Variants in APOB observed in about 807,000 individuals in gnomAD.
APOB encodes the protein apolipoprotein B-100.
APOB carries 153 observed loss-of-function variants against 314.1 expected under a neutral mutation model. The observed-to-expected ratio is 0.49, with a 90% CI of 0.43 to 0.56. The LOEUF is 0.56. Ranked by LOEUF, APOB falls within the 20% of genes least tolerant of loss-of-function variation. The pLI is 0.00. For missense variants in APOB, 5,430 were observed against 5,350.7 expected (o/e 1.01, Z -0.46); for synonymous variants, 2,087 against 2,036.4 (o/e 1.02, Z -0.67).
Position 21,022,880 on chromosome 2 carries a change from T to C in APOB, c.2767A>G (p.Lys923Glu). The C allele has an allele frequency of 6.8e-6, 11 of 1,614,168 alleles. No individual in the cohort carries two copies. The highest frequency in any genetic ancestry group is 9.3e-6 in the Non-Finnish European group (11 of 1,180,030). ...CTCTTTGGGGAAGGAATGATAAACT[T>C]CAGCTTCCCAGCTTTTAGGGCAACA... The part of the protein sequence containing the change: ...AHVALKAGKL[K>E]FIIPSPKRPV... Residue 923 changes from lysine to glutamate, a missense_variant, in exon 18 of 29, where the codon AAG becomes GAG. Physicochemically the swap from Lys to Glu is moderately conservative, Grantham distance 56. This residue lies in a region of APOB where 2,085 missense variants were observed against 2,079.7 expected (regional missense o/e 1.00). Coordinates refer to ENST00000233242, the MANE Select transcript of APOB (RefSeq NM_000384.3).
rs1663014025 is a variant in APOB at position 21,002,536 on chromosome 2, G to A, written c.12886C>T (p.Leu4296=). 5 of 1,613,798 alleles carry A rather than the reference G, an allele frequency of 3.1e-6. No homozygotes were observed. The South Asian group carries it at 4.4e-5, about 14-fold the overall frequency. ...AIQSLKTTEV[L]RNLQDLLQFI... is the part of the protein sequence containing the mutation. ...TGTAAAAGGTCCTGAAGATTACGTA[G>A]CACCTCTGTGGTCTTGAGAGACTGA... Residue 4296 remains leucine, a synonymous_variant, in exon 29 of 29, where the codon CTA becomes TTA. Transcript: ENST00000233242.
At chr2:21,032,277 A>C (rs1021561157) in intron 10 of APOB, 77 bp downstream of exon 10, 1 of 1,311,434 alleles carries the variant, frequency 7.6e-7, no homozygotes, top group African/African-American at 1.4e-5. Flanking sequence ...GGAGGGGTTC[A>C]GTTTTAATAC....
At position 21,011,787 on chromosome 2, in the gene APOB, T is replaced by C. The variant is rs765848794; in HGVS notation, c.5081A>G (p.Asn1694Ser). ...TTTCCCATCCAGACTGAATTTTGCATTGTGTTCCCTGAAGCGGCCATTTGT... is the reference window on the plus strand; with the variant it reads ...TTTCCCATCCAGACTGAATTTTGCACTGTGTTCCCTGAAGCGGCCATTTGT... ...LTTNGRFREH[N>S]AKFSLDGKAA... Residue 1694 changes from asparagine (N) to serine (S), a missense_variant, in exon 26 of 29, where the codon AAT becomes AGT. Transcript: ENST00000233242. 8.1e-6 allele frequency: 13 copies of C among 1,614,004 alleles called. No individual in the cohort carries two copies. The highest frequency in any genetic ancestry group is 3.3e-5 in the Admixed American group (2 of 59,992).
At chr2:21,003,818 C>T (rs1327206438) in intron 28 of APOB, among the ~76,000 whole-genome samples, 3 of 152,178 alleles carry the variant, frequency 2.0e-5, no homozygotes, top group African/African-American at 4.8e-5. Flanking sequence ...TTGGTCTTCT[C>T]CTCTGGTAAT....
intron 10 of APOB, among the ~76,000 whole-genome samples, chr2:21,030,596 G>A (rs1663848956): frequency 6.6e-6 from 1 of 152,140 alleles, no homozygotes; most frequent in African/African-American, 2.4e-5. Context: ...ACAAAAAATA[G>A]ACAAATAGAA....
Position 21,001,785 on chromosome 2 carries a change from G to A in APOB, c.13637C>T (p.Thr4546Ile). 6.2e-7 allele frequency: 1 copy of A among 1,614,032 alleles called. No homozygotes were observed. The highest frequency in any genetic ancestry group is 1.6e-4 in the Middle Eastern group (1 of 6,062). The change falls in exon 29 of 29, where the codon ACA becomes ATA. Residue 4546 changes from threonine (T) to isoleucine (I), a missense_variant. Thr to Ile is a moderately conservative substitution (Grantham distance 89). Coordinates refer to ENST00000233242, the MANE Select transcript of APOB (RefSeq NM_000384.3). ...TELLKKLQSTTVMNPYMKLAP... is the reference protein window; with the variant it reads ...TELLKKLQSTIVMNPYMKLAP... ...AAGCTTCATGTAGGGGTTCATGACT[G>A]TGGTTGATTGCAGCTTTTTCAGTAA...
intron 6 of APOB, among the ~76,000 whole-genome samples, chr2:21,036,831 C>A (rs904445763): frequency 1.3e-5 from 2 of 152,118 alleles, no homozygotes; most frequent in African/African-American, 4.8e-5. Context: ...AGATTAGAGG[C>A]AGTTTGGTGC....
chr2:21,004,824 A>G, intron 26 of APOB, 149 bp from the exon 27 acceptor site: 2 of 747,030 alleles, frequency 2.7e-6, no homozygotes, highest in Non-Finnish European at 4.4e-6. Context: ...TTTTAAAATA[A>G]ATAGTTAAAA....
rs12714269 is a variant in APOB, at chr2:21,043,618, G to A, written c.83-67C>T. The A allele has an allele frequency of 1.3e-4, 196 of 1,556,108 alleles. No homozygotes were observed. In the African/African-American group the frequency reaches 2.4e-3, roughly 19 times the overall value. On this transcript the variant is annotated intron_variant, in intron 1 of 28. Transcript: ENST00000233242. ...TCCCAGCGGGTGCTAGGGCCCGACA[G>A]GGGGACCACCGGCACAGGTTTCACC... is the stretch of plus-strand genomic sequence containing the variant.
intron 18 of APOB, among the ~76,000 whole-genome samples, chr2:21,021,867 G>T (rs2103369108): frequency 6.6e-6 from 1 of 152,300 alleles, no homozygotes; most frequent in South Asian, 2.1e-4. Context: ...TTAATTGTGT[G>T]TCTCCCTTAT....
chr2:21,007,437 G>T lies in APOB; in HGVS notation c.9431C>A (p.Thr3144Asn). Residue 3144 changes from threonine to asparagine, a missense_variant, in exon 26 of 29, where the codon ACT (threonine) becomes AAT (asparagine). This residue lies in a region of APOB where 3,281 missense variants were observed against 3,171.0 expected (regional missense o/e 1.03). Transcript: ENST00000233242. ...EMRLPYTIITTPPLKDFSLWE... is the reference protein window; with the variant it reads ...EMRLPYTIITNPPLKDFSLWE... ...TAGAGAGAAATCTTTCAGTGGAGGAGTTGTGATTATTGTGTAAGGTAGACG... is the reference window on the plus strand; with the variant it reads ...TAGAGAGAAATCTTTCAGTGGAGGATTTGTGATTATTGTGTAAGGTAGACG... The T allele has an allele frequency of 1.9e-6, 3 of 1,614,032 alleles. 1 individual carries two copies. In the South Asian group the frequency reaches 3.3e-5, roughly 18 times the overall value.
Position 21,006,882 on chromosome 2 carries a change from A to G in APOB, c.9986T>C (p.Ile3329Thr). 6.2e-7 allele frequency: 1 copy of G among 1,614,142 alleles called. No individual in the cohort carries two copies. Among genetic ancestry groups the G allele is most frequent in the Non-Finnish European group, 8.5e-7 (1 of 1,179,976 alleles). The change falls in exon 26 of 29, where the codon ATT (isoleucine) becomes ACT (threonine). Residue 3329 changes from isoleucine to threonine, a missense_variant. Coordinates refer to ENST00000233242, the MANE Select transcript of APOB (RefSeq NM_000384.3). ...DFKELCTISH[I>T]FIPAMGNITY... Reference sequence around the variant, plus strand: ...AATATTGCCCATGGCAGGAATAAAAATATGGCTTATGGTACACAATTCCTT... The same window carrying G: ...AATATTGCCCATGGCAGGAATAAAAGTATGGCTTATGGTACACAATTCCTT...
rs1188785642 is a variant in APOB, at chr2:21,009,273, A to G, written c.7595T>C (p.Leu2532Pro). ...GCCTACCAGAGACAGGTATCGTTGA[A>G]GTTCCTGCTGAATGTCCATTTGATA... ...RMYQMDIQQE[L>P]QRYLSLVGQV... The change falls in exon 26 of 29, where the codon CTT becomes CCT. Residue 2532 changes from leucine to proline, a missense_variant. Leu to Pro is a moderately conservative substitution (Grantham distance 98). This residue lies in a region of APOB where 3,281 missense variants were observed against 3,171.0 expected (regional missense o/e 1.03). Coordinates refer to ENST00000233242, the MANE Select transcript of APOB (RefSeq NM_000384.3). The G allele has an allele frequency of 6.2e-7, 1 of 1,614,100 alleles. No homozygotes were observed. Among genetic ancestry groups the G allele is most frequent in the Admixed American group, 1.7e-5 (1 of 60,006 alleles).
rs142459501 is a variant in APOB, at chr2:21,039,875, G to A, written c.383+1063C>T. The stretch of plus-strand genomic sequence containing the variant: ...GCATAGGAAAGAAAGAAGCCTCACA[G>A]CCTATTTTGGCAAGAAAGGACTGGC... On this transcript the variant is annotated intron_variant, in intron 4 of 28. Transcript: ENST00000233242. Among the ~76,000 whole-genome samples the A allele has an allele frequency of 2.0e-3, 300 of 152,276 alleles. 1 individual carries two copies. Among genetic ancestry groups the A allele is most frequent in the African/African-American group, 6.8e-3 (283 of 41,554 alleles).
At chr2:21,025,965 A>G (rs79292825) in intron 15 of APOB, among the ~76,000 whole-genome samples, 2,172 of 152,300 alleles carry the variant, frequency 0.014, 24 homozygotes, top group Middle Eastern at 0.1. Flanking sequence ...TTGCTAGTGC[A>G]CTGATGGGAG....
At chr2:21,017,819 C>T (rs1453342253) in intron 20 of APOB, among the ~76,000 whole-genome samples, 1 of 152,174 alleles carries the variant, frequency 6.6e-6, no homozygotes, top group Non-Finnish European at 1.5e-5. Flanking sequence ...CCCAGCGTGC[C>T]CTGCTCCTCC....
rs548108916 is a variant in APOB, at chr2:21,027,992, G to A, written c.1903C>T (p.Arg635Trp). The A allele has an allele frequency of 8.7e-6, 14 of 1,613,990 alleles. No homozygotes were observed. The East Asian group carries it at 1.1e-4, about 13-fold the overall frequency. Residue 635 changes from arginine (R) to tryptophan (W), a missense_variant, in exon 14 of 29, where the codon CGG becomes TGG. Arg to Trp is a moderately radical substitution (Grantham distance 101). Transcript: ENST00000233242. Reference protein sequence around the residue: ...PTVMDFRKFSRNYQLYKSVSL... With the variant: ...PTVMDFRKFSWNYQLYKSVSL... Reference sequence around the variant, plus strand: ...ACAGATTTGTAGAGTTGATAGTTCCGAGAGAATTTTCTGAAGTCCATGACA... The same window carrying A: ...ACAGATTTGTAGAGTTGATAGTTCCAAGAGAATTTTCTGAAGTCCATGACA...
At chr2:21,021,629 C>T (rs1460814542) in intron 18 of APOB, among the ~76,000 whole-genome samples, 2 of 152,308 alleles carry the variant, frequency 1.3e-5, no homozygotes, top group East Asian at 1.9e-4. Flanking sequence ...CTTCCAGTTC[C>T]TTGAACCATA....
rs200318200 is a variant in APOB, at chr2:21,041,038, T to C, written c.283A>G (p.Ser95Gly). Reference protein sequence around the residue: ...PQLCSFILKTSQCTLKEVYGF... With the variant: ...PQLCSFILKTGQCTLKEVYGF... ...TACACCTCTTTCAGGGTGCACTGGC[T>C]GGTCTTCAGGATGAAGCTGCAGAGC... The change falls in exon 4 of 29, where the codon AGC becomes GGC. Residue 95 changes from serine to glycine, a missense_variant. Around this residue, in one of 3 missense-constraint regions of APOB, gnomAD observed 2,085 missense variants for 2,079.7 expected, o/e 1.00. Transcript: ENST00000233242. 3.4e-5 allele frequency: 55 copies of C among 1,613,350 alleles called. No homozygotes were observed. The East Asian group carries it at 1.2e-3, about 36-fold the overall frequency.
Sources: allele counts gnomAD v4.1 joint callset (sites outside exome capture counted in the v4.1 genomes callset), GRCh38; gene constraint gnomAD v4.1.1; regional missense constraint gnomAD v4.1.1; transcripts MANE v1.5; gene names NCBI Gene and HGNC (gene_info 2026-07-23, HGNC 2026-07-21).